LPCAT4: variants seen among roughly 807,000 people sequenced by gnomAD.
The protein encoded by LPCAT4 is lysophospholipid acyltransferase LPCAT4.
In LPCAT4, 30 loss-of-function variants were observed where a neutral mutation model predicts 66.5. The observed-to-expected ratio is 0.45, with a 90% CI of 0.34 to 0.61. The LOEUF (loss-of-function observed/expected upper bound fraction) is 0.61, where lower values mean the gene tolerates loss of function less well. Among genes scored for constraint, LPCAT4 ranks in the 20% least tolerant of loss-of-function variants. LPCAT4 has a pLI of 0.01. For missense variants in LPCAT4, 557 were observed against 656.7 expected, an observed-to-expected ratio of 0.85 and a Z score of 1.66; for synonymous variants, 253 against 262.1, an observed-to-expected ratio of 0.97 and a Z score of 0.34.
Position 34,365,156 on chromosome 15 carries a change from G to T in LPCAT4, c.330C>A (p.Arg110=), listed in dbSNP as rs148649438. The change falls in exon 3 of 14, where the codon CGC becomes CGA. Residue 110 remains arginine (R), a synonymous_variant. Coordinates refer to ENST00000314891, the MANE Select transcript of LPCAT4 (RefSeq NM_153613.3). ...GGCGAGAGGCTCGCTGGCCACGAAC[G>T]CGAATCCGGAGGAAGCCCAGCAGGA... ...LFFLLGFLRI[R]VRGQRASRLQ... is the part of the protein sequence containing the mutation. 11 of 1,614,058 alleles carry T rather than the reference G, an allele frequency of 6.8e-6. No individual in the cohort carries two copies. The highest frequency in any genetic ancestry group is 9.3e-6 in the Non-Finnish European group (11 of 1,180,034).
Position 34,359,180 on chromosome 15 carries a change from G to A in LPCAT4, c.1522C>T (p.Pro508Ser). The change falls in exon 14 of 14, where the codon CCC (proline) becomes TCC (serine). Residue 508 changes from proline to serine, a missense_variant. Physicochemically the swap from Pro to Ser is moderately conservative, Grantham distance 74. Transcript: ENST00000314891. The part of the protein sequence containing the change: ...QTPNASSPGN[P>S]TALANGTVQA... ...ACAGTCCCATTGGCCAGAGCAGTGG[G>A]GTTGCCTGGGGATGAGGCATTTGGT... 1 of 1,606,544 alleles carries A rather than the reference G, an allele frequency of 6.2e-7. No individual in the cohort carries two copies. The highest frequency in any genetic ancestry group is 1.7e-5 in the Admixed American group (1 of 59,048).
chr15:34,363,310 A>C lies in LPCAT4; in HGVS notation c.746+112T>G, dbSNP rs1337266401. 3 of 1,159,496 alleles carry C rather than the reference A, an allele frequency of 2.6e-6. No individual in the cohort carries two copies. The African/African-American group carries it at 4.6e-5, about 18-fold the overall frequency. The allele number at this position is 1,159,496 out of a possible 1,614,324, so 71.8% of individuals were successfully genotyped here. ...GTGGTGTCTCCTCTAGAGTTCTCTC[A>C]GTCCTCAGATGAAGAAGGGCCATTC... On this transcript the variant is annotated intron_variant, in intron 7 of 13. Coordinates refer to ENST00000314891, the MANE Select transcript of LPCAT4 (RefSeq NM_153613.3). This position sits in a 1 kb window ranked among gnomAD's most constrained non-coding sequence, Gnocchi z 4.3.
Position 34,364,302 on chromosome 15 carries a change from A to G in LPCAT4, c.483T>C (p.Leu161=). 6.2e-7 allele frequency: 1 copy of G among 1,610,276 alleles called. No individual in the cohort carries two copies. The highest frequency in any genetic ancestry group is 8.5e-7 in the Non-Finnish European group (1 of 1,176,742). ...ENLSVPVIGA[L]LRFNQAILVS... is the part of the protein sequence containing the mutation. ...CCAGGATGGCTTGGTTGAATCGAAG[A>G]AGGGCTGGGGTTGGGAAGGATACAA... The change falls in exon 4 of 14, where the codon CTT becomes CTC. Residue 161 remains leucine (L), a synonymous_variant. Coordinates refer to ENST00000314891, the MANE Select transcript of LPCAT4 (RefSeq NM_153613.3).
chr15:34,364,217 T>A lies in LPCAT4; in HGVS notation c.568A>T (p.Thr190Ser). Reference protein sequence around the residue: ...RVVEEVRRRATSGGKWPQVLF... With the variant: ...RVVEEVRRRASSGGKWPQVLF... ...ACCTGCGGCCACTTGCCTCCTGAGG[T>A]GGCCCGCCTTCGGACCTCCTCCACC... The change falls in exon 4 of 14, where the codon ACC becomes TCC. Residue 190 changes from threonine to serine, a missense_variant. Around this residue, in one of 4 missense-constraint regions of LPCAT4, gnomAD observed 392 missense variants for 473.9 expected, o/e 0.83. Coordinates refer to ENST00000314891, the MANE Select transcript of LPCAT4 (RefSeq NM_153613.3). 1 of 1,613,430 alleles carries A rather than the reference T, an allele frequency of 6.2e-7. No individual in the cohort carries two copies. Among genetic ancestry groups the A allele is most frequent in the South Asian group, 1.1e-5 (1 of 91,074 alleles).
intron 12 of LPCAT4, 79 bp downstream of exon 12, chr15:34,360,032 A>C (rs1890904864): frequency 1.7e-6 from 2 of 1,199,170 alleles, no homozygotes; most frequent in Non-Finnish European, 2.4e-6. Context: ...GCTACTGGAA[A>C]CAGCATACCA....
Position 34,366,608 on chromosome 15 carries a change from G to GCACGCC in LPCAT4, c.114+373_114+378dup, listed in dbSNP as rs1260370652. ...AAGTCATGCCTCGGAGGAATACTCGGCACGCCCCCGCCCCCGCCCCCACCC... is the reference window on the plus strand; with the variant it reads ...AAGTCATGCCTCGGAGGAATACTCGGCACGCCCACGCCCCCGCCCCCGCCCCCACCC... On this transcript the variant is annotated intron_variant, in intron 1 of 13. Transcript: ENST00000314891. Among the ~76,000 whole-genome samples, 133 of 151,896 alleles carry GCACGCC rather than the reference G, an allele frequency of 8.8e-4. 1 individual carries two copies. The highest frequency in any genetic ancestry group is 1.6e-3 in the Non-Finnish European group (111 of 67,892).
chr15:34,366,170 G>C (rs1403265748), intron 1 of LPCAT4, among the ~76,000 whole-genome samples: 1 of 152,194 alleles, frequency 6.6e-6, no homozygotes, highest in Non-Finnish European at 1.5e-5. Flanking sequence ...CAGAGGTCCA[G>C]TTTTCAGACC....
At chr15:34,364,156 A>G (rs1481990188) in intron 4 of LPCAT4, 38 bp downstream of exon 4, 1 of 1,593,480 alleles carries the variant, frequency 6.3e-7, no homozygotes. Flanking sequence ...TCAGGAGCAC[A>G]TGGAAAGTGA....
intron 9 of LPCAT4, 29 bp from the exon 10 acceptor site, chr15:34,362,350 G>C: frequency 6.2e-7 from 1 of 1,613,002 alleles, no homozygotes. Flanking sequence ...TGGGATGGAG[G>C]GTAAGGAAGC....
chr15:34,360,600 G>A (rs1890919296), intron 11 of LPCAT4, among the ~76,000 whole-genome samples: 1 of 152,224 alleles, frequency 6.6e-6, no homozygotes, highest in Non-Finnish European at 1.5e-5. Context: ...GGGGACACAG[G>A]CATAATTTCT....
chr15:34,363,382 C>G lies in LPCAT4; in HGVS notation c.746+40G>C, dbSNP rs764884989. The G allele has an allele frequency of 2.5e-6, 4 of 1,601,810 alleles. No individual in the cohort carries two copies. The highest frequency in any genetic ancestry group is 1.7e-5 in the Admixed American group (1 of 58,282). On this transcript the variant is annotated intron_variant, in intron 7 of 13. Coordinates refer to ENST00000314891, the MANE Select transcript of LPCAT4 (RefSeq NM_153613.3). The surrounding 1 kb of genome is among the most constrained non-coding windows in gnomAD (Gnocchi z 4.3). ...ATGGGCCAGGAATTCTCTGATGGAC[C>G]CTGCTCCCCACCCTCACCCCCAGGA...
In LPCAT4 at chr15:34,361,384, G is replaced by T; in HGVS notation, c.1143+16C>A. ...AAGCCTGGGTTCTGCTCTGCTCTTT[G>T]TTCCAGCTCCTTTACCTGCTGGAAG... On this transcript the variant is annotated intron_variant, in intron 11 of 13. Transcript: ENST00000314891. 6 of 1,614,130 alleles carry T rather than the reference G, an allele frequency of 3.7e-6. No individual in the cohort carries two copies. The highest frequency in any genetic ancestry group is 5.1e-6 in the Non-Finnish European group (6 of 1,179,980).
intron 10 of LPCAT4, among the ~76,000 whole-genome samples, chr15:34,361,861 G>A (rs1042362000): frequency 2.7e-4 from 41 of 152,054 alleles, no homozygotes; most frequent in Middle Eastern, 3.2e-3. Flanking sequence ...CACCAAACCC[G>A]GCAAATTTTG....
At chr15:34,365,515 C>T in intron 2 of LPCAT4, 44 bp downstream of exon 2, 2 of 1,612,376 alleles carry the variant, frequency 1.2e-6, no homozygotes, top group Non-Finnish European at 1.7e-6. Context: ...GAATAGACAG[C>T]AGGGAAGAGA....
rs529016313 is a variant in LPCAT4 at position 34,361,713 on chromosome 15, T to TTTTC, written c.1011-182_1011-181insGAAA. 2.3e-3 allele frequency among the ~76,000 whole-genome samples: 346 copies of TTTTC among 152,088 alleles called. 2 individuals are homozygous for TTTTC. The highest frequency in any genetic ancestry group is 3.4e-3 in the Non-Finnish European group (232 of 67,974). On this transcript the variant is annotated intron_variant, in intron 10 of 13. Coordinates refer to ENST00000314891, the MANE Select transcript of LPCAT4 (RefSeq NM_153613.3). ...TTACTTTTTTCTTTTCTTTTCTTTT[T>TTTTC]TTTTTTGACGGAGTCTTGCTCTGTC...
Position 34,359,014 on chromosome 15 carries a change from AAAC to A in LPCAT4, c.*110_*112del. The A allele has an allele frequency of 1.1e-6, 1 of 881,268 alleles. No homozygotes were observed. The highest frequency in any genetic ancestry group is 1.6e-6 in the Non-Finnish European group (1 of 637,368). The allele number at this position is 881,268 out of a possible 1,614,324, so 54.6% of individuals were successfully genotyped here. ...ACAAAAAATTAAAATCAACTTAAAAAAACAACAACCAAACAACAATAACAAAAT... is the reference window on the plus strand; with the variant it reads ...ACAAAAAATTAAAATCAACTTAAAAAAACAACCAAACAACAATAACAAAAT... On this transcript the variant is annotated 3_prime_UTR_variant, in exon 14 of 14. Transcript: ENST00000314891.
chr15:34,361,285 T>C (rs768435287), intron 11 of LPCAT4, 115 bp downstream of exon 11: 1 of 1,529,144 alleles, frequency 6.5e-7, no homozygotes, highest in Non-Finnish European at 8.8e-7. Context: ...TAACAACAGC[T>C]GTGAGAACAT....
chr15:34,364,699 C>T (rs558989761), intron 3 of LPCAT4: 1 of 318,842 alleles, frequency 3.1e-6, no homozygotes, highest in South Asian at 5.7e-5. Flanking sequence ...GGTGATCCGC[C>T]CGCCTTGGCC....
Position 34,362,313 on chromosome 15 carries a change from C to T in LPCAT4, c.893G>A (p.Gly298Asp). ...AAACTCACATTCGGTGGCTGGAATG[C>T]CCAGAGCCCTACAGGATGAAGAGGG... ...NVQRVMAQAL[G>D]IPATECEFVG... The change falls in exon 10 of 14, where the codon GGC (glycine) becomes GAC (aspartate). Residue 298 changes from glycine (G) to aspartate (D), a missense_variant. Physicochemically the swap from Gly to Asp is moderately conservative, Grantham distance 94 (BLOSUM62 -1). Around this residue, in one of 4 missense-constraint regions of LPCAT4, gnomAD observed 392 missense variants for 473.9 expected, o/e 0.83. Transcript: ENST00000314891. The T allele has an allele frequency of 6.2e-7, 1 of 1,614,118 alleles. No individual in the cohort carries two copies.
Sources: gnomAD v4.1 joint callset for allele counts (sites outside exome capture counted in the v4.1 genomes callset) on GRCh38, gnomAD v4.1.1 for gene constraint, gnomAD v4.1.1 regional missense constraint, Gnocchi (gnomAD v3.1) non-coding constraint, MANE v1.5 for transcripts, NCBI Gene and HGNC (gene_info 2026-07-23, HGNC 2026-07-21) for gene names.